Variants in CALML4 observed in about 807,000 individuals in gnomAD.
CALML4 encodes calmodulin-like protein 4.
Under a neutral mutation model 17.9 loss-of-function variants are expected in CALML4, and 16 were observed. The observed-to-expected ratio is 0.89, with a 90% confidence interval of 0.61 to 1.36. The LOEUF is 1.36. CALML4 is among the 40% of genes most tolerant of loss of function. CALML4 has a pLI of 0.00. For missense variants in CALML4, 203 were observed against 194.8 expected (o/e 1.04, Z -0.25); for synonymous variants, 86 against 71.5 (o/e 1.20, Z -1.02).
chr15:68,197,900 C>T lies in CALML4; in HGVS notation c.176-272G>A, dbSNP rs73425815. 2.5e-3 allele frequency: 1,033 copies of T among 417,488 alleles called. 5 individuals carry two copies. The highest frequency in any genetic ancestry group is 0.015 in the African/African-American group (764 of 50,360). The allele number at this position is 417,488 out of a possible 1,614,324, so 25.9% of individuals were successfully genotyped here. ...GCTCAAGAAAGTGGGTTCCCAACCA[C>T]AGATGGAGGACTGGGCTCCTCTGCT... On this transcript the variant is annotated intron_variant, in intron 3 of 4. Transcript: ENST00000467889. This position sits in a 1 kb window ranked among gnomAD's most constrained non-coding sequence, Gnocchi z 4.1.
chr15:68,191,273 CTT>C lies in CALML4; in HGVS notation c.*2740_*2741del, dbSNP rs750289007. On this transcript the variant is annotated 3_prime_UTR_variant, in exon 5 of 5. Coordinates refer to ENST00000467889, the MANE Select transcript of CALML4 (RefSeq NM_033429.3). ...GATTCATTGCCTTAAAACTTTCTCT[CTT>C]AGAATTTCCATACCGCATGCCAAAC... is the stretch of plus-strand genomic sequence containing the variant. 1.4e-4 allele frequency: 21 copies of C among 152,728 alleles called. No homozygotes were observed. The highest frequency in any genetic ancestry group is 3.1e-4 in the Non-Finnish European group (21 of 68,022). 9.5% of individuals were successfully genotyped at this position (152,728 alleles called of 1,614,324 possible).
At position 68,197,440 on chromosome 15, in the gene CALML4, C is replaced by T; in HGVS notation, c.364G>A (p.Val122Met). The change falls in exon 4 of 5, where the codon GTG (valine) becomes ATG (methionine). Residue 122 changes from valine (V) to methionine (M), a missense_variant and splice_region_variant. By Grantham distance (21) the Val-to-Met change is conservative. Coordinates refer to ENST00000467889, the MANE Select transcript of CALML4 (RefSeq NM_033429.3). This position sits in a 1 kb window ranked among gnomAD's most constrained non-coding sequence, Gnocchi z 4.1. Reference sequence around the variant, plus strand: ...TGGGAGACAGGACCCAGGCTGTTACCTTCCTTGTGGGTGAGCTTCTCCCCC... The same window carrying T: ...TGGGAGACAGGACCCAGGCTGTTACTTTCCTTGTGGGTGAGCTTCTCCCCC... Reference protein sequence around the residue: ...SLGEKLTHKEVDDLFREADIE... With the variant: ...SLGEKLTHKEMDDLFREADIE... 1.2e-6 allele frequency: 2 copies of T among 1,613,266 alleles called. No individual in the cohort carries two copies. The highest frequency in any genetic ancestry group is 1.7e-6 in the Non-Finnish European group (2 of 1,179,626).
chr15:68,191,628 A>G lies in CALML4; in HGVS notation c.*2387T>C, dbSNP rs554513431. ...GCATGCTTTGAGGTAAGTAATGAAT[A>G]TAGCCATCATTTCCCTTTCTTGTTG... On this transcript the variant is annotated 3_prime_UTR_variant, in exon 5 of 5. Transcript: ENST00000467889. The G allele has an allele frequency of 8.5e-5, 13 of 152,786 alleles. No homozygotes were observed. Among genetic ancestry groups the G allele is most frequent in the African/African-American group, 3.1e-4 (13 of 41,596 alleles). The allele number at this position is 152,786 out of a possible 1,614,324, so 9.5% of individuals were successfully genotyped here.
rs1020484723 is a variant in CALML4 at position 68,197,196 on chromosome 15, G to A, written c.364+244C>T. On this transcript the variant is annotated intron_variant, in intron 4 of 4. Transcript: ENST00000467889. This position sits in a 1 kb window ranked among gnomAD's most constrained non-coding sequence, Gnocchi z 4.1. ...CCAGCTGCCCTGCCTTGTGGGTTCC[G>A]AGCTGGGTTTCCCCTAGGCTGTCCC... Among the ~76,000 whole-genome samples the A allele has an allele frequency of 2.6e-5, 4 of 152,100 alleles. No homozygotes were observed. The highest frequency in any genetic ancestry group is 4.4e-5 in the Non-Finnish European group (3 of 68,010).
chr15:68,197,352 A>T lies in CALML4; in HGVS notation c.364+88T>A. ...CGCATCAACAGAGGTGGTCTGTACC[A>T]CCCTGGTGGCATCAGCTAGGCTTTG... On this transcript the variant is annotated intron_variant, in intron 4 of 4. Transcript: ENST00000467889. The surrounding 1 kb of genome is among the most constrained non-coding windows in gnomAD (Gnocchi z 4.1). 1 of 1,347,000 alleles carries T rather than the reference A, an allele frequency of 7.4e-7. No individual in the cohort carries two copies. The highest frequency in any genetic ancestry group is 1.0e-6 in the Non-Finnish European group (1 of 967,502). 83.4% of individuals were successfully genotyped at this position (1,347,000 alleles called of 1,614,324 possible). A position where few individuals can be genotyped will look rare whatever the true frequency, so the allele number is the denominator to read the frequency against.
rs1175857700 is a variant in CALML4 at position 68,204,053 on chromosome 15, CCCCGGGCCCTGTGTTTTAAAAGT to C, written c.34+1045_34+1067del. On this transcript the variant is annotated intron_variant, in intron 2 of 4. Coordinates refer to ENST00000467889, the MANE Select transcript of CALML4 (RefSeq NM_033429.3). The surrounding 1 kb of genome is among the most constrained non-coding windows in gnomAD (Gnocchi z 6.0). ...GTTAGACCTGGACAAGAGGGCACTG[CCCCGGGCCCTGTGTTTTAAAAGT>C]CCCTGCTCCTGCCCTGGCCCTCCTC... 2.0e-5 allele frequency among the ~76,000 whole-genome samples: 3 copies of C among 152,166 alleles called. No homozygotes were observed. The highest frequency in any genetic ancestry group is 4.4e-5 in the Non-Finnish European group (3 of 68,030).
rs903279183 is a variant in CALML4 at position 68,191,443 on chromosome 15, T to C, written c.*2572A>G. ...TTTATGTAGAGCTCTTTAGATGTAA[T>C]AAAAGAAAAGCCTTCAGTTAATTTG... On this transcript the variant is annotated 3_prime_UTR_variant, in exon 5 of 5. Transcript: ENST00000467889. 6.6e-6 allele frequency: 1 copy of C among 152,628 alleles called. No individual in the cohort carries two copies. Among genetic ancestry groups the C allele is most frequent in the African/African-American group, 2.4e-5 (1 of 41,444 alleles). 9.5% of individuals were successfully genotyped at this position (152,628 alleles called of 1,614,324 possible). A position where few individuals can be genotyped will look rare whatever the true frequency, so the allele number is the denominator to read the frequency against.
chr15:68,202,720 T>G (rs904569812), intron 2 of CALML4, among the ~76,000 whole-genome samples: 2 of 149,136 alleles, frequency 1.3e-5, no homozygotes, highest in African/African-American at 5.0e-5. Flanking sequence ...TTCAGCTCAC[T>G]GCAGCCTCCA....
Position 68,205,051 on chromosome 15 carries a change from G to C in CALML4, c.34+70C>G. On this transcript the variant is annotated intron_variant, in intron 2 of 4. Transcript: ENST00000467889. The surrounding 1 kb of genome is among the most constrained non-coding windows in gnomAD (Gnocchi z 4.8). ...ACCTTCCTTCCCACCAAGAAAACAT[G>C]AGCAGAGCAAATTGCCTAATGAGAC... The C allele has an allele frequency of 6.4e-7, 1 of 1,563,118 alleles. No homozygotes were observed. The highest frequency in any genetic ancestry group is 2.2e-5 in the East Asian group (1 of 44,624).
rs1362387377 is a variant in CALML4 at position 68,193,571 on chromosome 15, C to G, written c.*444G>C. ...GAAATATGGAAGATGGTTCTAGCCC[C>G]CAAATACAGAATAAGTCTCTTGGTA... On this transcript the variant is annotated 3_prime_UTR_variant, in exon 5 of 5. Transcript: ENST00000467889. 1 of 155,412 alleles carries G rather than the reference C, an allele frequency of 6.4e-6. No individual in the cohort carries two copies. Among genetic ancestry groups the G allele is most frequent in the Non-Finnish European group, 1.4e-5 (1 of 70,166 alleles). 9.6% of individuals were successfully genotyped at this position (155,412 alleles called of 1,614,324 possible).
Position 68,197,655 on chromosome 15 carries a change from T to C in CALML4, c.176-27A>G. ...TAGGAAACCCGCAAACACAGCAGAG[T>C]GAGCAGAGGGAAAAAGACTCCTAGG... On this transcript the variant is annotated intron_variant, in intron 3 of 4. Coordinates refer to ENST00000467889, the MANE Select transcript of CALML4 (RefSeq NM_033429.3). This position sits in a 1 kb window ranked among gnomAD's most constrained non-coding sequence, Gnocchi z 4.1. 2 of 1,606,006 alleles carry C rather than the reference T, an allele frequency of 1.2e-6. No homozygotes were observed. The highest frequency in any genetic ancestry group is 1.7e-6 in the Non-Finnish European group (2 of 1,175,350).
At chr15:68,205,353 G>A (rs765130759), upstream of CALML4, 39 of 1,613,964 alleles carry the variant, frequency 2.4e-5, no homozygotes, top group Non-Finnish European at 3.1e-5. This position sits in a 1 kb window ranked among gnomAD's most constrained non-coding sequence, Gnocchi z 4.8. Flanking sequence ...GTGGAGGCCC[G>A]GGTAATAAAT....
chr15:68,203,293 G>A (rs1053138622), intron 2 of CALML4, among the ~76,000 whole-genome samples: 6 of 152,156 alleles, frequency 3.9e-5, no homozygotes, highest in Admixed American at 3.9e-4. Flanking sequence ...CTATAGTTTC[G>A]ATTCAACCAT....
At chr15:68,205,433 G>T (rs2093180094), upstream of CALML4, 2 of 1,606,196 alleles carry the variant, frequency 1.2e-6, no homozygotes, top group Non-Finnish European at 1.7e-6. This position sits in a 1 kb window ranked among gnomAD's most constrained non-coding sequence, Gnocchi z 4.8. Flanking sequence ...CACAGCTCAT[G>T]ACCCGCCACC....
upstream of CALML4, chr15:68,205,585 T>C (rs541366717): frequency 2.3e-5 from 14 of 604,946 alleles, no homozygotes; most frequent in East Asian, 3.5e-4. This position sits in a 1 kb window ranked among gnomAD's most constrained non-coding sequence, Gnocchi z 4.8. Flanking sequence ...GGGTCTTCTC[T>C]CTCTCTCCTG....
rs1005910305 is a variant in CALML4, at chr15:68,197,827, C to G, written c.176-199G>C. The G allele has an allele frequency of 1.8e-6, 1 of 566,426 alleles. No individual in the cohort carries two copies. The allele number at this position is 566,426 out of a possible 1,614,324, so 35.1% of individuals were successfully genotyped here. On this transcript the variant is annotated intron_variant, in intron 3 of 4. Transcript: ENST00000467889. The surrounding 1 kb of genome is among the most constrained non-coding windows in gnomAD (Gnocchi z 4.1). ...CAGGCCCCTCACTGGACTGGACATT[C>G]TTCATTTCAGCAACGTCCTCAGTGA...
intron 2 of CALML4, among the ~76,000 whole-genome samples, chr15:68,202,768 C>T: frequency 6.8e-6 from 1 of 148,064 alleles, no homozygotes; most frequent in Non-Finnish European, 1.5e-5. Context: ...CTCAGCCTCC[C>T]AAGAAGCTGG....
Position 68,197,508 on chromosome 15 carries a change from C to T in CALML4, c.296G>A (p.Gly99Asp), listed in dbSNP as rs185631780. ...AMLMVDKEKK[G>D]YVMASDLRSK... The stretch of plus-strand genomic sequence containing the variant: ...CCGCAGGTCGGACGCCATGACGTAA[C>T]CTTTCTTCTCCTTGTCCACCATCAA... Residue 99 changes from glycine (G) to aspartate (D), a missense_variant, in exon 4 of 5, where the codon GGT becomes GAT. By Grantham distance (94) the Gly-to-Asp change is moderately conservative (BLOSUM62 -1). Coordinates refer to ENST00000467889, the MANE Select transcript of CALML4 (RefSeq NM_033429.3). The surrounding 1 kb of genome is among the most constrained non-coding windows in gnomAD (Gnocchi z 4.1). 3.7e-5 allele frequency: 60 copies of T among 1,614,172 alleles called. No individual in the cohort carries two copies. The Admixed American group carries it at 1.0e-3, about 27-fold the overall frequency.
At position 68,197,101 on chromosome 15, in the gene CALML4, A is replaced by C. The variant is rs1362197215; in HGVS notation, c.364+339T>G. On this transcript the variant is annotated intron_variant, in intron 4 of 4. Transcript: ENST00000467889. The surrounding 1 kb of genome is among the most constrained non-coding windows in gnomAD (Gnocchi z 4.1). ...AGTAGGAGCAGGCATTTGTGCTCCC[A>C]GGGGTGTCATGCACTAGATGAAGCC... Among the ~76,000 whole-genome samples, 1 of 151,902 alleles carries C rather than the reference A, an allele frequency of 6.6e-6. No homozygotes were observed. The highest frequency in any genetic ancestry group is 1.9e-4 in the East Asian group (1 of 5,178).
Sources: allele counts gnomAD v4.1 joint callset (sites outside exome capture counted in the v4.1 genomes callset), GRCh38; gene constraint gnomAD v4.1.1; non-coding constraint Gnocchi (gnomAD v3.1); transcripts MANE v1.5; gene names NCBI Gene and HGNC (gene_info 2026-07-23, HGNC 2026-07-21).